The following ABCA6 variants were observed in gnomAD, a reference collection of about 807,000 sequenced individuals.
ABCA6 encodes the protein ATP binding cassette subfamily A member 6, also known as ATP-binding cassette sub-family A member 6.
ABCA6 carries 164 observed loss-of-function variants against 191.2 expected under a neutral mutation model. The observed-to-expected ratio is 0.86, with a 90% confidence interval of 0.76 to 0.98. The LOEUF is 0.98. Among genes scored for constraint, ABCA6 ranks in the 50% least tolerant of loss-of-function variants. ABCA6 has a pLI of 0.00. For synonymous variants in ABCA6, 636 were observed against 647.7 expected (o/e 0.98, Z 0.27); for missense variants, 1,958 against 1,894.1 (o/e 1.03, Z -0.63).
At chr17:69,085,535 A>AT in intron 31 of ABCA6, 90 bp downstream of exon 31, 1 of 801,888 alleles carries the variant, frequency 1.2e-6, no homozygotes, top group Non-Finnish European at 1.8e-6. Context: ...AAAAAAAAAA[A>AT]GAAAAGAAAA....
At chr17:69,089,651 C>T (rs1395480351) in intron 26 of ABCA6, 109 bp from the exon 27 acceptor site, 1 of 939,258 alleles carries the variant, frequency 1.1e-6, no homozygotes, top group Non-Finnish European at 1.6e-6. Flanking sequence ...TCATAGATCT[C>T]AATTTCTTTG....
intron 25 of ABCA6, among the ~76,000 whole-genome samples, chr17:69,095,877 C>A (rs969680056): frequency 1.2e-4 from 19 of 152,122 alleles, no homozygotes; most frequent in African/African-American, 4.6e-4. Flanking sequence ...AAACTATTAG[C>A]AGCTAAGGTT....
intron 16 of ABCA6, chr17:69,111,453 C>T (rs1403141627): frequency 1.3e-5 from 2 of 152,534 alleles, no homozygotes; most frequent in Non-Finnish European, 2.9e-5. Context: ...ATAGGAGGGA[C>T]CCAGTGGGAG....
intron 4 of ABCA6, 61 bp downstream of exon 4, chr17:69,136,031 C>T: frequency 6.6e-7 from 1 of 1,507,540 alleles, no homozygotes; most frequent in Non-Finnish European, 9.1e-7. Flanking sequence ...GCCCAACCTC[C>T]TCTGTTCTTT....
At chr17:69,130,007 G>A (rs920682835) in intron 6 of ABCA6, among the ~76,000 whole-genome samples, 2 of 151,918 alleles carry the variant, frequency 1.3e-5, no homozygotes, top group Non-Finnish European at 2.9e-5. Flanking sequence ...CACTGGTATA[G>A]GCACCAACCA....
chr17:69,083,756 G>A (rs115668381), intron 34 of ABCA6, among the ~76,000 whole-genome samples: 22 of 152,250 alleles, frequency 1.4e-4, no homozygotes, highest in African/African-American at 5.3e-4. Flanking sequence ...AGTTGGAAAA[G>A]TATCGGACAG....
chr17:69,112,050 G>T, intron 16 of ABCA6, 133 bp downstream of exon 16: 1 of 661,636 alleles, frequency 1.5e-6, no homozygotes, highest in Non-Finnish European at 2.6e-6. Context: ...GTAAAAAAAA[G>T]TATTCAGGAA....
In ABCA6 at chr17:69,133,861, T is replaced by A. The variant is rs917294962; in HGVS notation, c.571A>T (p.Thr191Ser). The A allele has an allele frequency of 6.3e-7, 1 of 1,582,318 alleles. No homozygotes were observed. Among genetic ancestry groups the A allele is most frequent in the Non-Finnish European group, 8.6e-7 (1 of 1,162,444 alleles). Reference protein sequence around the residue: ...AINTAIIEITTNHPVMEELMS... With the variant: ...AINTAIIEITSNHPVMEELMS... Reference sequence around the variant, plus strand: ...AACTCCTCCATCACAGGGTGATTGGTTGTGATCTAAAGTAGAGTTTAAACA... The same window carrying A: ...AACTCCTCCATCACAGGGTGATTGGATGTGATCTAAAGTAGAGTTTAAACA... The change falls in exon 6 of 39, where the codon ACC becomes TCC. Residue 191 changes from threonine (T) to serine (S), a missense_variant. Physicochemically the swap from Thr to Ser is moderately conservative, Grantham distance 58. Coordinates refer to ENST00000284425, the MANE Select transcript of ABCA6 (RefSeq NM_080284.3).
intron 21 of ABCA6, 146 bp downstream of exon 21, chr17:69,102,689 A>T: frequency 1.5e-6 from 1 of 667,240 alleles, no homozygotes; most frequent in Non-Finnish European, 2.3e-6. Flanking sequence ...ACAAAAACTT[A>T]GGTAAACTTC....
intron 26 of ABCA6, 94 bp downstream of exon 26, chr17:69,091,049 C>T: frequency 7.5e-7 from 1 of 1,329,956 alleles, no homozygotes; most frequent in Admixed American, 2.5e-5. Flanking sequence ...TGTTACTCCC[C>T]AGTTCCACTA....
chr17:69,096,647 C>T lies in ABCA6; in HGVS notation c.3275G>A (p.Ser1092Asn). Residue 1092 changes from serine (S) to asparagine (N), a missense_variant, in exon 24 of 39, where the codon AGC becomes AAC. Transcript: ENST00000284425. Reference sequence around the variant, plus strand: ...ACTTACCAAAGCAAACACAATTTGGCTTGTAATAAGAAGGTACTGCATGTT... The same window carrying T: ...ACTTACCAAAGCAAACACAATTTGGTTTGTAATAAGAAGGTACTGCATGTT... ...IENMQYLLIT[S>N]QIVFALVIVT... 1 of 1,535,136 alleles carries T rather than the reference C, an allele frequency of 6.5e-7. No individual in the cohort carries two copies. Among genetic ancestry groups the T allele is most frequent in the East Asian group, 2.3e-5 (1 of 42,768 alleles).
intron 37 of ABCA6, among the ~76,000 whole-genome samples, chr17:69,080,230 T>G (rs2072596258): frequency 1.3e-5 from 2 of 152,136 alleles, no homozygotes; most frequent in Non-Finnish European, 2.9e-5. Flanking sequence ...CTTAAAATAT[T>G]TACTCATTTA....
intron 17 of ABCA6, chr17:69,110,071 T>C (rs913039477): frequency 1.1e-4 from 16 of 152,162 alleles, no homozygotes; most frequent in African/African-American, 3.9e-4. Context: ...GCGTGTTAAG[T>C]GCTTAGTTAA....
intron 10 of ABCA6, among the ~76,000 whole-genome samples, chr17:69,119,935 C>T (rs1483699059): frequency 1.3e-5 from 2 of 151,926 alleles, no homozygotes; most frequent in Admixed American, 6.6e-5. Context: ...AAATTAAAAT[C>T]AATGCATTAG....
intron 23 of ABCA6, among the ~76,000 whole-genome samples, chr17:69,097,676 G>T (rs2073080758): frequency 6.6e-6 from 1 of 152,148 alleles, no homozygotes; most frequent in African/African-American, 2.4e-5. Context: ...ATTTCCCTTT[G>T]AAGGTTTAGA....
Position 69,133,794 on chromosome 17 carries a change from A to G in ABCA6, c.638T>C (p.Ile213Thr), listed in dbSNP as rs1568036229. ...TAITMKTLPF[I>T]TKNLLHNEMF... is the part of the protein sequence containing the mutation. The stretch of plus-strand genomic sequence containing the variant: ...CTCATTGTGAAGAAGATTTTTAGTT[A>G]TGAAAGGTAATGTCTTCATAGTTAT... The change falls in exon 6 of 39, where the codon ATA becomes ACA. Residue 213 changes from isoleucine (I) to threonine (T), a missense_variant. By Grantham distance (89) the Ile-to-Thr change is moderately conservative. Transcript: ENST00000284425. 2 of 1,613,278 alleles carry G rather than the reference A, an allele frequency of 1.2e-6. No homozygotes were observed. Among genetic ancestry groups the G allele is most frequent in the Non-Finnish European group, 1.7e-6 (2 of 1,179,488 alleles).
At chr17:69,096,935 G>T in intron 23 of ABCA6, 134 bp from the exon 24 acceptor site, 1 of 682,662 alleles carries the variant, frequency 1.5e-6, no homozygotes, top group Non-Finnish European at 2.2e-6. Flanking sequence ...AAAAAATTAT[G>T]CATATACTGC....
At chr17:69,082,843 T>C in intron 36 of ABCA6, 30 bp downstream of exon 36, 2 of 1,613,708 alleles carry the variant, frequency 1.2e-6, no homozygotes, top group East Asian at 2.2e-5. Flanking sequence ...AAACCCTCCA[T>C]ATTTCTCCAT....
chr17:69,079,099 A>G (rs1445000023), intron 38 of ABCA6, 25 bp from the exon 39 acceptor site: 1 of 1,581,244 alleles, frequency 6.3e-7, no homozygotes, highest in Non-Finnish European at 8.7e-7. Context: ...AAGAAGAAGG[A>G]AAGAAGGAAG....
Sources: allele counts gnomAD v4.1 joint callset (sites outside exome capture counted in the v4.1 genomes callset), GRCh38; gene constraint gnomAD v4.1.1; transcripts MANE v1.5; gene names NCBI Gene and HGNC (gene_info 2026-07-23, HGNC 2026-07-21).